The following TAFA1 variants were observed in gnomAD, a reference collection of about 807,000 sequenced individuals.
TAFA1 encodes the protein TAFA chemokine like family member 1, also known as chemokine-like protein TAFA-1.
TAFA1 carries 4 observed loss-of-function variants against 18.5 expected under a neutral mutation model. The ratio of observed to expected loss-of-function variants is 0.22; its 90% confidence interval spans 0.11 to 0.49. The LOEUF (loss-of-function observed/expected upper bound fraction) is 0.49, where lower values mean the gene tolerates loss of function less well. Ranked by LOEUF, TAFA1 falls within the 20% of genes least tolerant of loss-of-function variation. The pLI, the probability that TAFA1 is intolerant of heterozygous loss-of-function variation, is 0.98. For synonymous variants in TAFA1, 56 were observed against 55.2 expected (o/e 1.01, Z -0.06); for missense variants, 147 against 169.0 (o/e 0.87, Z 0.72).
chr3:68,289,552 G>A (rs2068073835), intron 2 of TAFA1, among the ~76,000 whole-genome samples: 1 of 117,348 alleles, frequency 8.5e-6, no homozygotes. Context: ...ATTTTATAAA[G>A]ACCTTCTTCT....
intron 2 of TAFA1, among the ~76,000 whole-genome samples, chr3:68,035,744 C>T (rs924659430): frequency 5.3e-5 from 8 of 152,088 alleles, no homozygotes; most frequent in East Asian, 1.9e-4. Context: ...TTGATAGAAG[C>T]GCTATTCAAT....
intron 2 of TAFA1, among the ~76,000 whole-genome samples, chr3:68,072,510 C>A (rs1315204329): frequency 1.3e-5 from 2 of 152,004 alleles, no homozygotes; most frequent in East Asian, 1.9e-4. Flanking sequence ...GTTAAGCAGA[C>A]CTGCAGGAGT....
intron 3 of TAFA1, among the ~76,000 whole-genome samples, chr3:68,420,342 C>T (rs1229006766): frequency 6.6e-6 from 1 of 152,176 alleles, no homozygotes; most frequent in Non-Finnish European, 1.5e-5. Flanking sequence ...TTACTGCAGC[C>T]TCAAACTGCC....
chr3:68,087,219 T>C (rs905143989), intron 2 of TAFA1, among the ~76,000 whole-genome samples: 1 of 152,312 alleles, frequency 6.6e-6, no homozygotes, highest in Non-Finnish European at 1.5e-5. Flanking sequence ...GAAATCCTTT[T>C]GAGACAATAG....
chr3:68,436,114 C>T (rs561290742), intron 3 of TAFA1, among the ~76,000 whole-genome samples: 2 of 151,904 alleles, frequency 1.3e-5, no homozygotes, highest in African/African-American at 4.8e-5. Flanking sequence ...GAAATTCTGG[C>T]TCTTGCTGAA....
chr3:68,320,152 C>T (rs908753631), intron 2 of TAFA1, among the ~76,000 whole-genome samples: 2 of 152,106 alleles, frequency 1.3e-5, no homozygotes, highest in Admixed American at 6.5e-5. Context: ...AAATCCAAGT[C>T]GATTGAGAGA....
intron 2 of TAFA1, among the ~76,000 whole-genome samples, chr3:68,311,751 GT>G (rs1255772811): frequency 2.0e-5 from 3 of 152,184 alleles, no homozygotes; most frequent in African/African-American, 7.2e-5. Context: ...GGTTTTTCAG[GT>G]GCAGGGTGCA....
intron 2 of TAFA1, among the ~76,000 whole-genome samples, chr3:68,270,931 A>G (rs1347612659): frequency 6.6e-6 from 1 of 152,150 alleles, no homozygotes; most frequent in African/African-American, 2.4e-5. Context: ...TCCATTGAAG[A>G]CTTCTTAAAA....
At chr3:68,157,411 A>T (rs954714498) in intron 2 of TAFA1, among the ~76,000 whole-genome samples, 1 of 152,088 alleles carries the variant, frequency 6.6e-6, no homozygotes, top group Non-Finnish European at 1.5e-5. Flanking sequence ...TTTACTGGAA[A>T]CTCATTTCTC....
intron 3 of TAFA1, among the ~76,000 whole-genome samples, chr3:68,517,938 ACACACACACT>A (rs369630263): frequency 1.5e-4 from 23 of 151,856 alleles, no homozygotes; most frequent in African/African-American, 5.6e-4. Flanking sequence ...ACACACACAC[ACACACACACT>A]CACACACACT....
chr3:68,368,845 CA>C (rs2069624452), intron 2 of TAFA1, among the ~76,000 whole-genome samples: 1 of 152,322 alleles, frequency 6.6e-6, no homozygotes, highest in South Asian at 2.1e-4. Flanking sequence ...CAGCATCACA[CA>C]AGAATGTATT....
chr3:68,426,766 A>C (rs1302705936), intron 3 of TAFA1, among the ~76,000 whole-genome samples: 1 of 151,950 alleles, frequency 6.6e-6, no homozygotes, highest in Non-Finnish European at 1.5e-5. Context: ...TTTCGGGTAC[A>C]TAATACAAAT....
chr3:68,477,651 G>A (rs2072128117), intron 3 of TAFA1, among the ~76,000 whole-genome samples: 1 of 152,128 alleles, frequency 6.6e-6, no homozygotes, highest in African/African-American at 2.4e-5. Context: ...AAAGTGCTGG[G>A]ATTACAGGCG....
Position 68,382,378 on chromosome 3 carries a change from T to G in TAFA1, c.119-34902T>G, listed in dbSNP as rs113371758. On this transcript the variant is annotated intron_variant, in intron 2 of 4. Transcript: ENST00000478136. ...GTACCAGCTCCTCCTTGTACCTCTG[T>G]TTAAGTTGATTTTTGTATATAGTGT... 3.7e-4 allele frequency among the ~76,000 whole-genome samples: 56 copies of G among 151,658 alleles called. 1 individual carries two copies. Among genetic ancestry groups the G allele is most frequent in the African/African-American group, 1.2e-3 (50 of 41,490 alleles).
intron 2 of TAFA1, among the ~76,000 whole-genome samples, chr3:68,180,756 T>G (rs115919380): frequency 0.14 from 22,038 of 152,156 alleles, 1,900 homozygotes; most frequent in Middle Eastern, 0.2. Flanking sequence ...ACATCACCTA[T>G]GTGGTAGGCA....
intron 2 of TAFA1, chr3:68,247,296 T>C (rs2107149786): frequency 6.6e-6 from 1 of 152,158 alleles, no homozygotes; most frequent in East Asian, 1.9e-4. Context: ...TTCTCATTTC[T>C]TCTCCTCCTG....
chr3:68,251,082 A>G (rs2067186967), intron 2 of TAFA1, among the ~76,000 whole-genome samples: 2 of 146,904 alleles, frequency 1.4e-5, no homozygotes, highest in Non-Finnish European at 3.0e-5. Context: ...ATCAAGAAAA[A>G]AAAACCAAAA....
intron 3 of TAFA1, among the ~76,000 whole-genome samples, chr3:68,512,010 G>A (rs576476943): frequency 6.6e-6 from 1 of 152,020 alleles, no homozygotes; most frequent in South Asian, 2.1e-4. Context: ...ACAACCCTAT[G>A]AGATAAGAAC....
At chr3:68,222,151 A>G (rs1267418584) in intron 2 of TAFA1, among the ~76,000 whole-genome samples, 1 of 151,474 alleles carries the variant, frequency 6.6e-6, no homozygotes, top group Non-Finnish European at 1.5e-5. Flanking sequence ...AAACGTTAAC[A>G]CATGCAATGC....
Sources: allele counts gnomAD v4.1 joint callset (sites outside exome capture counted in the v4.1 genomes callset), GRCh38; gene constraint gnomAD v4.1.1; transcripts MANE v1.5; gene names NCBI Gene and HGNC (gene_info 2026-07-23, HGNC 2026-07-21).